The following DIP2B variants were observed in gnomAD, a reference collection of about 807,000 sequenced individuals.
DIP2B encodes the protein DIP2 acetate--CoA ligase B (putative), also known as disco-interacting protein 2 homolog B.
A neutral mutation model predicts 198.0 loss-of-function variants in DIP2B; 76 were observed. That is an observed-to-expected ratio of 0.38 (90% CI 0.32 to 0.46). DIP2B has a LOEUF of 0.46. Ranked by LOEUF, DIP2B falls within the 20% of genes least tolerant of loss-of-function variation. DIP2B has a pLI of 0.99. For synonymous variants in DIP2B, 701 were observed against 739.1 expected, an observed-to-expected ratio of 0.95 and a Z score of 0.84; for missense variants, 1,559 against 1,978.4, an observed-to-expected ratio of 0.79 and a Z score of 4.02.
At chr12:50,601,317 C>CT (rs1565840767) in intron 1 of DIP2B, among the ~76,000 whole-genome samples, 1 of 149,974 alleles carries the variant, frequency 6.7e-6, no homozygotes, top group Admixed American at 6.6e-5. Flanking sequence ...AGGGTGTTTG[C>CT]TATATATATC....
intron 4 of DIP2B, among the ~76,000 whole-genome samples, chr12:50,669,676 C>T (rs554731710): frequency 1.3e-5 from 2 of 152,308 alleles, no homozygotes; most frequent in East Asian, 1.9e-4. Flanking sequence ...CCACCTACCT[C>T]GGCCTCCCAA....
At chr12:50,562,014 G>A (rs2139398342) in intron 1 of DIP2B, among the ~76,000 whole-genome samples, 1 of 152,318 alleles carries the variant, frequency 6.6e-6, no homozygotes, top group Non-Finnish European at 1.5e-5. Context: ...TCTCTGTATT[G>A]ACAGGCTTAT....
At chr12:50,585,032 G>C (rs1185209768) in intron 1 of DIP2B, among the ~76,000 whole-genome samples, 1 of 152,112 alleles carries the variant, frequency 6.6e-6, no homozygotes, top group African/African-American at 2.4e-5. Context: ...TTTCACAGCA[G>C]GATCTTTCAT....
chr12:50,699,184 G>A lies in DIP2B; in HGVS notation c.2307G>A (p.Val769=). Residue 769 remains valine (V), a synonymous_variant, in exon 19 of 38, where the codon GTG becomes GTA. Coordinates refer to ENST00000301180, the MANE Select transcript of DIP2B (RefSeq NM_173602.3). ...TGATGTACTTTGGGCTTGCTGGTGTGACAAAAAATACATTTGAGGTACATG... is the reference window on the plus strand; with the variant it reads ...TGATGTACTTTGGGCTTGCTGGTGTAACAAAAAATACATTTGAGGTACATG... The part of the protein sequence containing the change: ...GGMMYFGLAG[V]TKNTFEVIPV... 1.2e-6 allele frequency: 2 copies of A among 1,613,326 alleles called. No homozygotes were observed. The highest frequency in any genetic ancestry group is 1.7e-6 in the Non-Finnish European group (2 of 1,179,808).
chr12:50,691,571 C>T (rs1939222294), intron 13 of DIP2B, among the ~76,000 whole-genome samples: 1 of 152,154 alleles, frequency 6.6e-6, no homozygotes, highest in South Asian at 2.1e-4. Context: ...TACATAATTG[C>T]ATAAACCACT....
chr12:50,723,070 G>T, intron 26 of DIP2B, 132 bp from the exon 27 acceptor site: 2 of 1,025,268 alleles, frequency 2.0e-6, no homozygotes, highest in Non-Finnish European at 2.8e-6. Context: ...CTTCTGCTAG[G>T]GTCTTTGTTA....
intron 30 of DIP2B, among the ~76,000 whole-genome samples, chr12:50,730,948 T>G (rs1565884956): frequency 6.6e-6 from 1 of 152,178 alleles, no homozygotes; most frequent in Non-Finnish European, 1.5e-5. Context: ...CATCTCATAT[T>G]CAGAGCATCA....
intron 3 of DIP2B, among the ~76,000 whole-genome samples, chr12:50,648,697 T>TCC (rs35509357): frequency 3.1e-5 from 4 of 127,684 alleles, no homozygotes; most frequent in Admixed American, 3.1e-4. Context: ...GGGTTGTTCT[T>TCC]CCCCCCCCCC....
intron 20 of DIP2B, 151 bp downstream of exon 20, chr12:50,704,371 GAGTT>G (rs1164167509): frequency 3.3e-6 from 2 of 612,860 alleles, no homozygotes; most frequent in East Asian, 3.4e-5. Context: ...GTCATAAAAT[GAGTT>G]AGTGTTTATC....
At chr12:50,579,127 T>C (rs576276108) in intron 1 of DIP2B, among the ~76,000 whole-genome samples, 3 of 152,288 alleles carry the variant, frequency 2.0e-5, no homozygotes, top group African/African-American at 7.2e-5. Context: ...AGTTGTGAGC[T>C]GACTTTTTAA....
rs146088838 is a variant in DIP2B at position 50,714,455 on chromosome 12, T to C, written c.2710T>C (p.Leu904=). Residue 904 remains leucine, a synonymous_variant, in exon 23 of 38, where the codon TTG becomes CTG. Transcript: ENST00000301180. The stretch of plus-strand genomic sequence containing the variant: ...TCTTGCTCTGGTGCCAGCCAATACA[T>C]TGCCAAAAACTCCACTAGGAGGAAT... ...YCLALVPANT[L]PKTPLGGIHI... The C allele has an allele frequency of 9.9e-4, 1,600 of 1,614,186 alleles. 4 individuals are homozygous for C. The highest frequency in any genetic ancestry group is 1.3e-3 in the Non-Finnish European group (1,488 of 1,180,026).
intron 1 of DIP2B, among the ~76,000 whole-genome samples, chr12:50,521,313 G>A (rs1158525893): frequency 2.6e-5 from 4 of 151,092 alleles, no homozygotes; most frequent in African/African-American, 9.7e-5. Flanking sequence ...CACCATGTTG[G>A]TCAAGCTGGT....
chr12:50,524,552 C>T (rs1440568899), intron 1 of DIP2B, among the ~76,000 whole-genome samples: 1 of 152,000 alleles, frequency 6.6e-6, no homozygotes, highest in Non-Finnish European at 1.5e-5. Flanking sequence ...GTCTCCCTGC[C>T]TCCCTCCATC....
At chr12:50,678,091 C>T (rs902869052) in intron 7 of DIP2B, among the ~76,000 whole-genome samples, 19 of 149,454 alleles carry the variant, frequency 1.3e-4, no homozygotes, top group African/African-American at 4.7e-4. Flanking sequence ...ATTGGCCATA[C>T]GAGATGAGTG....
At chr12:50,709,850 C>T (rs2251024) in intron 22 of DIP2B, among the ~76,000 whole-genome samples, 38,357 of 151,864 alleles carry the variant, frequency 0.25, 5,910 homozygotes, top group Non-Finnish European at 0.35. Flanking sequence ...CTGTGACAGG[C>T]ACCAGTAGCC....
intron 1 of DIP2B, among the ~76,000 whole-genome samples, chr12:50,573,493 T>C (rs1958633159): frequency 6.6e-6 from 1 of 152,228 alleles, no homozygotes; most frequent in Non-Finnish European, 1.5e-5. Context: ...CCCAGTCTTA[T>C]AACCTTATCT....
At chr12:50,736,250 C>T (rs1016624472) in intron 34 of DIP2B, among the ~76,000 whole-genome samples, 1 of 152,216 alleles carries the variant, frequency 6.6e-6, no homozygotes, top group African/African-American at 2.4e-5. Context: ...CACATCTTCA[C>T]TTGCCTCAGC....
chr12:50,729,714 C>CT (rs1365484093), intron 30 of DIP2B, among the ~76,000 whole-genome samples: 2 of 148,896 alleles, frequency 1.3e-5, no homozygotes, highest in Non-Finnish European at 3.0e-5. Context: ...CCTTTCTGTC[C>CT]TTTTTTCTTT....
Position 50,718,825 on chromosome 12 carries a change from G to T in DIP2B, c.2961+7G>T. 2.5e-6 allele frequency: 4 copies of T among 1,613,028 alleles called. No individual in the cohort carries two copies. The highest frequency in any genetic ancestry group is 3.4e-6 in the Non-Finnish European group (4 of 1,179,078). ...GAATGATTTGGTGAGGAAGGTAAGT[G>T]TTCCTGAAGTGTTACCTTCTTACAG... On this transcript the variant is annotated splice_region_variant and intron_variant, in intron 24 of 37. Coordinates refer to ENST00000301180, the MANE Select transcript of DIP2B (RefSeq NM_173602.3).
Sources: allele counts gnomAD v4.1 joint callset (sites outside exome capture counted in the v4.1 genomes callset), GRCh38; gene constraint gnomAD v4.1.1; transcripts MANE v1.5; gene names NCBI Gene and HGNC (gene_info 2026-07-23, HGNC 2026-07-21).